Variants in ELSPBP1 observed in about 807,000 individuals in gnomAD.
ELSPBP1 encodes epididymal sperm binding protein 1.
ELSPBP1 carries 38 observed loss-of-function variants against 33.3 expected under a neutral mutation model. The observed-to-expected ratio is 1.14, with a 90% CI of 0.88 to 1.50. The LOEUF (loss-of-function observed/expected upper bound fraction) is 1.50, where lower values mean the gene tolerates loss of function less well. Ranked by LOEUF, ELSPBP1 falls within the 40% of genes most tolerant of loss-of-function variation. The pLI is 0.00. For synonymous variants in ELSPBP1, 85 were observed against 94.1 expected, an observed-to-expected ratio of 0.90 and a Z score of 0.56; for missense variants, 267 against 263.5, an observed-to-expected ratio of 1.01 and a Z score of -0.09.
chr19:48,003,436 G>A lies in ELSPBP1; in HGVS notation c.-17-5215G>A, dbSNP rs535179652. On this transcript the variant is annotated intron_variant, in intron 1 of 6. Transcript: ENST00000339841. ...CAACTAAAAGGCAGATCGAGGGAGG[G>A]GAAGGAAGATAAGAAATGAGTTTGA... 3.9e-5 allele frequency among the ~76,000 whole-genome samples: 6 copies of A among 152,194 alleles called. No individual in the cohort carries two copies. The East Asian group carries it at 1.2e-3, about 29-fold the overall frequency.
chr19:48,009,470 G>T (rs912409534), intron 2 of ELSPBP1, among the ~76,000 whole-genome samples: 2 of 152,142 alleles, frequency 1.3e-5, no homozygotes, highest in Non-Finnish European at 2.9e-5. Flanking sequence ...TGTAAGGTAA[G>T]CATGGAAACA....
chr19:48,019,641 G>A (rs1967177320), intron 4 of ELSPBP1, 78 bp from the exon 5 acceptor site: 1 of 1,423,338 alleles, frequency 7.0e-7, no homozygotes, highest in Non-Finnish European at 9.6e-7. Flanking sequence ...ATAAAGCGTG[G>A]CACAGTTTGT....
chr19:47,998,786 C>CAAA lies in ELSPBP1; in HGVS notation c.-18+3993_-18+3995dup, dbSNP rs34853595. ...TGGGTGACAGAGCCAGACTCCGTCT[C>CAAA]AAAAAAAAAAAAAAAAAAAATGCAG... On this transcript the variant is annotated intron_variant, in intron 1 of 6. Coordinates refer to ENST00000339841, the MANE Select transcript of ELSPBP1 (RefSeq NM_022142.5). Among the ~76,000 whole-genome samples, 155 of 110,934 alleles carry CAAA rather than the reference C, an allele frequency of 1.4e-3. 2 individuals carry two copies. Among genetic ancestry groups the CAAA allele is most frequent in the African/African-American group, 3.2e-3 (96 of 29,636 alleles). The allele number at this position is 110,934 out of a possible 152,430, so 72.8% of individuals were successfully genotyped here. A position where few individuals can be genotyped will look rare whatever the true frequency, so the allele number is the denominator to read the frequency against.
At position 48,007,136 on chromosome 19, in the gene ELSPBP1, C is replaced by G. The variant is rs148701008; in HGVS notation, c.-17-1515C>G. On this transcript the variant is annotated intron_variant, in intron 1 of 6. Transcript: ENST00000339841. ...ATAATTCATAAATGCCACTAACGATCTACAAGTGAAAAGCATTTTCACATC... is the reference window on the plus strand; with the variant it reads ...ATAATTCATAAATGCCACTAACGATGTACAAGTGAAAAGCATTTTCACATC... Among the ~76,000 whole-genome samples the G allele has an allele frequency of 2.8e-3, 422 of 152,276 alleles. 4 individuals are homozygous for G. The highest frequency in any genetic ancestry group is 9.7e-3 in the African/African-American group (404 of 41,550).
chr19:48,003,653 C>G (rs1276402344), intron 1 of ELSPBP1, among the ~76,000 whole-genome samples: 1 of 150,612 alleles, frequency 6.6e-6, no homozygotes, highest in African/African-American at 2.4e-5. Context: ...TCTCCTTCCT[C>G]AGCCTCCTGA....
chr19:48,003,056 C>A (rs576767579), intron 1 of ELSPBP1, among the ~76,000 whole-genome samples: 2 of 152,258 alleles, frequency 1.3e-5, no homozygotes, highest in East Asian at 1.9e-4. Flanking sequence ...GTCCCAACCA[C>A]CCCGGGGCTC....
chr19:48,009,900 C>T (rs1331382483), intron 2 of ELSPBP1, among the ~76,000 whole-genome samples: 1 of 152,160 alleles, frequency 6.6e-6, no homozygotes, highest in South Asian at 2.1e-4. Flanking sequence ...GCCCCAACAT[C>T]CCCTACGGTT....
chr19:47,996,973 C>A (rs1011429773), intron 1 of ELSPBP1, among the ~76,000 whole-genome samples: 2 of 152,106 alleles, frequency 1.3e-5, no homozygotes, highest in African/African-American at 2.4e-5. Context: ...CATTTTGTAT[C>A]TTTCATCTAA....
At chr19:48,001,143 C>T (rs1274666931) in intron 1 of ELSPBP1, among the ~76,000 whole-genome samples, 1 of 151,744 alleles carries the variant, frequency 6.6e-6, no homozygotes, top group African/African-American at 2.4e-5. Flanking sequence ...TGTTGTCACA[C>T]CTGGTTTTCT....
At chr19:48,006,590 G>A (rs1024731570) in intron 1 of ELSPBP1, among the ~76,000 whole-genome samples, 16 of 71,976 alleles carry the variant, frequency 2.2e-4, no homozygotes, top group Admixed American at 2.9e-4. Flanking sequence ...CTCCAGTCTG[G>A]GCGTCTGGGC....
chr19:48,020,351 C>G (rs1243404545), intron 5 of ELSPBP1, among the ~76,000 whole-genome samples: 1 of 152,040 alleles, frequency 6.6e-6, no homozygotes, highest in Non-Finnish European at 1.5e-5. Context: ...TGAAATCACC[C>G]AACAAAAGGC....
chr19:48,008,720 C>A lies in ELSPBP1; in HGVS notation c.53C>A (p.Ser18Tyr). 1 of 1,613,616 alleles carries A rather than the reference C, an allele frequency of 6.2e-7. No homozygotes were observed. Among genetic ancestry groups the A allele is most frequent in the East Asian group, 2.2e-5 (1 of 44,864 alleles). The change falls in exon 2 of 7, where the codon TCC (serine) becomes TAC (tyrosine). Residue 18 changes from serine (S) to tyrosine (Y), a missense_variant. Physicochemically the swap from Ser to Tyr is moderately radical, Grantham distance 144. Coordinates refer to ENST00000339841, the MANE Select transcript of ELSPBP1 (RefSeq NM_022142.5). ...GGATGGACAACCTTCCTTCTCTATT[C>A]CTATGAGTCAAGTGGAGGTAAGGAC... ...LLGWTTFLLY[S>Y]YESSGGMHEE...
intron 1 of ELSPBP1, among the ~76,000 whole-genome samples, chr19:48,002,050 G>A (rs1405131626): frequency 1.3e-5 from 2 of 152,090 alleles, no homozygotes; most frequent in Non-Finnish European, 2.9e-5. Flanking sequence ...CTAGGAATTA[G>A]GACGTGGACA....
At chr19:48,020,276 C>T (rs991357769) in intron 5 of ELSPBP1, among the ~76,000 whole-genome samples, 1 of 152,162 alleles carries the variant, frequency 6.6e-6, no homozygotes, top group African/African-American at 2.4e-5. Context: ...GTGATCACAC[C>T]TCTGTACTCC....
At chr19:48,000,738 T>C (rs1199902893) in intron 1 of ELSPBP1, among the ~76,000 whole-genome samples, 1 of 152,184 alleles carries the variant, frequency 6.6e-6, no homozygotes, top group Non-Finnish European at 1.5e-5. Flanking sequence ...GCCACACAGC[T>C]GGCTTGAGAG....
rs1053414647 is a variant in ELSPBP1, at chr19:48,011,787, G to A, written c.71-2384G>A. The stretch of plus-strand genomic sequence containing the variant: ...TGATGACAGTGATGGTAATGATGAT[G>A]ATGATGACAATGATAATCATAGCTA... On this transcript the variant is annotated intron_variant, in intron 2 of 6. Coordinates refer to ENST00000339841, the MANE Select transcript of ELSPBP1 (RefSeq NM_022142.5). This position sits in a 1 kb window ranked among gnomAD's most constrained non-coding sequence, Gnocchi z 4.5. Among the ~76,000 whole-genome samples the A allele has an allele frequency of 6.6e-6, 1 of 152,154 alleles. No individual in the cohort carries two copies. The highest frequency in any genetic ancestry group is 1.5e-5 in the Non-Finnish European group (1 of 68,026).
intron 1 of ELSPBP1, among the ~76,000 whole-genome samples, chr19:47,998,512 C>A (rs1400576879): frequency 6.6e-6 from 1 of 151,944 alleles, no homozygotes; most frequent in African/African-American, 2.4e-5. Context: ...GAGTCCGGGG[C>A]GCGGTGGCTC....
intron 1 of ELSPBP1, among the ~76,000 whole-genome samples, chr19:48,007,131 A>G (rs1252951938): frequency 2.0e-5 from 3 of 152,128 alleles, no homozygotes; most frequent in Non-Finnish European, 4.4e-5. Flanking sequence ...AATGCCACTA[A>G]CGATCTACAA....
At chr19:48,023,121 G>C (rs777238970) in intron 6 of ELSPBP1, among the ~76,000 whole-genome samples, 17 of 145,458 alleles carry the variant, frequency 1.2e-4, no homozygotes, top group Non-Finnish European at 2.0e-4. Context: ...GAGAGAGGGA[G>C]GAAAAGAGAG....
Sources: gnomAD v4.1 joint callset for allele counts (sites outside exome capture counted in the v4.1 genomes callset) on GRCh38, gnomAD v4.1.1 for gene constraint, Gnocchi (gnomAD v3.1) non-coding constraint, MANE v1.5 for transcripts, NCBI Gene and HGNC (gene_info 2026-07-23, HGNC 2026-07-21) for gene names.